Variants in IQCK observed in about 807,000 individuals in gnomAD.
The protein encoded by IQCK is IQ motif containing K, also known as IQ domain-containing protein K.
A neutral mutation model predicts 28.1 loss-of-function variants in IQCK; 29 were observed. The observed-to-expected ratio is 1.03, with a 90% confidence interval of 0.77 to 1.41. The LOEUF is 1.41. Among genes scored for constraint, IQCK ranks in the 40% most tolerant of loss-of-function variants. The pLI, the probability that IQCK is intolerant of heterozygous loss-of-function variation, is 0.00. For missense variants in IQCK, 359 were observed against 314.7 expected (o/e 1.14, Z -1.07); for synonymous variants, 113 against 115.1 (o/e 0.98, Z 0.12).
At chr16:19,817,508 A>C (rs2056004761) in intron 7 of IQCK, among the ~76,000 whole-genome samples, 1 of 152,172 alleles carries the variant, frequency 6.6e-6, no homozygotes, top group Non-Finnish European at 1.5e-5. Flanking sequence ...AATTAAGGAA[A>C]AGATGAAAGG....
At chr16:19,727,658 G>A (rs1189485454) in intron 1 of IQCK, among the ~76,000 whole-genome samples, 1 of 151,860 alleles carries the variant, frequency 6.6e-6, no homozygotes, top group East Asian at 1.9e-4. Flanking sequence ...GTTGCAATAG[G>A]ATTAGGTGTG....
intron 9 of IQCK, among the ~76,000 whole-genome samples, chr16:19,851,871 T>G (rs1238723871): frequency 3.3e-5 from 5 of 152,176 alleles, no homozygotes; most frequent in Admixed American, 3.3e-4. Context: ...TTCCCTCCCC[T>G]TTTCCTCCCT....
intron 4 of IQCK, 98 bp from the exon 5 acceptor site, chr16:19,763,750 A>T (rs2055185807): frequency 1.1e-6 from 1 of 930,120 alleles, no homozygotes; most frequent in Admixed American, 1.8e-5. Context: ...GCCAGTGTTA[A>T]GCTTTATTGA....
chr16:19,761,253 G>A (rs966326709), intron 4 of IQCK: 17 of 385,424 alleles, frequency 4.4e-5, no homozygotes, highest in Non-Finnish European at 6.7e-5. Flanking sequence ...CATTCCGAAG[G>A]GGTTATACTT....
intron 4 of IQCK, among the ~76,000 whole-genome samples, chr16:19,741,074 T>C (rs969481782): frequency 2.6e-5 from 4 of 152,000 alleles, no homozygotes; most frequent in Non-Finnish European, 5.9e-5. Flanking sequence ...GTGCTGATCA[T>C]GAGGCCAGAC....
At chr16:19,755,968 A>G (rs558150645) in intron 4 of IQCK, among the ~76,000 whole-genome samples, 2 of 152,146 alleles carry the variant, frequency 1.3e-5, no homozygotes, top group South Asian at 4.2e-4. Flanking sequence ...GGATCACTAG[A>G]GCTCAGGAGT....
intron 7 of IQCK, among the ~76,000 whole-genome samples, chr16:19,823,864 C>T (rs1040437106): frequency 1.3e-5 from 2 of 152,008 alleles, no homozygotes; most frequent in African/African-American, 2.4e-5. Flanking sequence ...ACCCAGGAGG[C>T]GGAGGTTGCA....
At chr16:19,740,254 T>A (rs769175166) in intron 4 of IQCK, among the ~76,000 whole-genome samples, 52 of 152,242 alleles carry the variant, frequency 3.4e-4, no homozygotes, top group Non-Finnish European at 6.2e-4. Flanking sequence ...TTAATTCTTG[T>A]CCACTACTCA....
At chr16:19,855,533 C>G (rs1398418981) in intron 9 of IQCK, among the ~76,000 whole-genome samples, 1 of 151,988 alleles carries the variant, frequency 6.6e-6, no homozygotes, top group African/African-American at 2.4e-5. Flanking sequence ...TGCAGTGTGC[C>G]GAGATCTTGC....
intron 9 of IQCK, among the ~76,000 whole-genome samples, chr16:19,837,968 G>A (rs765940752): frequency 2.6e-5 from 4 of 151,818 alleles, no homozygotes; most frequent in African/African-American, 9.7e-5. Context: ...GTTCCTGTTC[G>A]ACTGTGCAAT....
chr16:19,851,043 A>G (rs1175505822), intron 9 of IQCK, among the ~76,000 whole-genome samples: 1 of 152,152 alleles, frequency 6.6e-6, no homozygotes, highest in Non-Finnish European at 1.5e-5. Flanking sequence ...GCGAATAATA[A>G]TAGCTGATAT....
chr16:19,852,576 TCA>T (rs1333092263), intron 9 of IQCK, among the ~76,000 whole-genome samples: 8 of 151,632 alleles, frequency 5.3e-5, no homozygotes, highest in African/African-American at 1.5e-4. Flanking sequence ...ATAAATAGAA[TCA>T]CACTATATGT....
chr16:19,730,563 A>G (rs1977801491), intron 2 of IQCK, 69 bp downstream of exon 2: 6 of 1,252,276 alleles, frequency 4.8e-6, no homozygotes, highest in Non-Finnish European at 6.7e-6. Flanking sequence ...TGGCCTGTGA[A>G]TGTCACACAG....
chr16:19,845,850 G>A (rs575514905), intron 9 of IQCK, among the ~76,000 whole-genome samples: 1 of 152,036 alleles, frequency 6.6e-6, no homozygotes, highest in South Asian at 2.1e-4. Flanking sequence ...TGAGGCGGGC[G>A]GATCACTTGA....
chr16:19,811,768 A>G (rs1390145173), intron 7 of IQCK, among the ~76,000 whole-genome samples: 1 of 152,186 alleles, frequency 6.6e-6, no homozygotes, highest in African/African-American at 2.4e-5. Context: ...GTCTTGTAAC[A>G]TTAAGTTCAT....
At chr16:19,854,422 T>G (rs1487888701) in intron 9 of IQCK, among the ~76,000 whole-genome samples, 1 of 150,460 alleles carries the variant, frequency 6.6e-6, no homozygotes, top group East Asian at 1.9e-4. Context: ...CCCAGCCTGA[T>G]CCATCAGAAT....
chr16:19,832,221 CCT>C (rs1031232145), intron 9 of IQCK, among the ~76,000 whole-genome samples: 3 of 151,346 alleles, frequency 2.0e-5, no homozygotes, highest in Non-Finnish European at 4.4e-5. Flanking sequence ...GATTACATTA[CCT>C]ATGTGTGTGT....
Position 19,743,593 on chromosome 16 carries a change from A to G in IQCK, c.474+8143A>G, listed in dbSNP as rs529073206. On this transcript the variant is annotated intron_variant, in intron 4 of 7. Transcript: ENST00000564186. ...CCAACAATCTTTGGAGGTGGATGCTATTATCATCATCTTATGGATCAGGGC... is the reference window on the plus strand; with the variant it reads ...CCAACAATCTTTGGAGGTGGATGCTGTTATCATCATCTTATGGATCAGGGC... Among the ~76,000 whole-genome samples, 4 of 152,344 alleles carry G rather than the reference A, an allele frequency of 2.6e-5. No homozygotes were observed. The South Asian group carries it at 6.2e-4, about 24-fold the overall frequency.
chr16:19,723,703 T>C (rs1464011907), intron 1 of IQCK, among the ~76,000 whole-genome samples: 1 of 152,092 alleles, frequency 6.6e-6, no homozygotes, highest in Non-Finnish European at 1.5e-5. Flanking sequence ...CCTGTAATCC[T>C]AGCACATTAG....
Sources: allele counts gnomAD v4.1 joint callset (sites outside exome capture counted in the v4.1 genomes callset), GRCh38; gene constraint gnomAD v4.1.1; transcripts MANE v1.5; gene names NCBI Gene and HGNC (gene_info 2026-07-23, HGNC 2026-07-21).